GAD2: variants seen among roughly 807,000 people sequenced by gnomAD.
GAD2 encodes the protein glutamate decarboxylase 2, also known as 65 kDa glutamic acid decarboxylase.
A neutral mutation model predicts 80.1 loss-of-function variants in GAD2; 22 were observed. That is an observed-to-expected ratio of 0.27 (90% CI 0.20 to 0.39). GAD2 has a LOEUF of 0.39. Among genes scored for constraint, GAD2 ranks in the 10% least tolerant of loss-of-function variants. The probability of loss-of-function intolerance (pLI) is 1.00; values close to 1 mark genes in which losing one functional copy is unlikely to be tolerated. For missense variants in GAD2, 624 were observed against 738.4 expected (o/e 0.85, Z 1.80); for synonymous variants, 274 against 256.9 (o/e 1.07, Z -0.64).
intron 8 of GAD2, among the ~76,000 whole-genome samples, chr10:26,254,816 G>A (rs986317243): frequency 6.6e-6 from 1 of 152,226 alleles, no homozygotes; most frequent in African/African-American, 2.4e-5. Flanking sequence ...CAGATGCAGA[G>A]CAAGGGACAG....
chr10:26,286,178 A>T (rs1845329099), intron 12 of GAD2, among the ~76,000 whole-genome samples, 167 bp from the exon 13 acceptor site: 1 of 151,716 alleles, frequency 6.6e-6, no homozygotes, highest in Non-Finnish European at 1.5e-5. Flanking sequence ...CAACCTAGAC[A>T]CTCCTGTCCA....
At position 26,217,936 on chromosome 10, in the gene GAD2, G is replaced by T. The variant is rs1251690584; in HGVS notation, c.231G>T (p.Gln77His). Residue 77 changes from glutamine to histidine, a missense_variant, in exon 3 of 16, where the codon CAG (glutamine) becomes CAT (histidine). Transcript: ENST00000376261. This position sits in a 1 kb window ranked among gnomAD's most constrained non-coding sequence, Gnocchi z 4.9. ...GGAAGGCCGCCTGCGCCTGCGACCA[G>T]AAGCCCTGCAGCTGCTCCAAAGTGG... ...AARKAACACD[Q>H]KPCSCSKVDV... 1 of 1,611,924 alleles carries T rather than the reference G, an allele frequency of 6.2e-7. No individual in the cohort carries two copies. Among genetic ancestry groups the T allele is most frequent in the South Asian group, 1.1e-5 (1 of 91,032 alleles).
At chr10:26,280,166 G>A (rs1296579941) in intron 11 of GAD2, among the ~76,000 whole-genome samples, 1 of 152,162 alleles carries the variant, frequency 6.6e-6, no homozygotes, top group East Asian at 1.9e-4. Flanking sequence ...TGGAGCAGGG[G>A]CACACCACAT....
chr10:26,293,740 G>A (rs1271429596), intron 15 of GAD2, among the ~76,000 whole-genome samples: 1 of 152,178 alleles, frequency 6.6e-6, no homozygotes, highest in Admixed American at 6.5e-5. Flanking sequence ...TGTCCTTAGA[G>A]CTGTGGTGAC....
In GAD2 at chr10:26,218,005, G is replaced by T; in HGVS notation, c.286+14G>T. On this transcript the variant is annotated intron_variant, in intron 3 of 15. Transcript: ENST00000376261. The stretch of plus-strand genomic sequence containing the variant: ...TCCATGCAACAGGTAAAGACTCAGC[G>T]GGGAGCCCCGGGGCGCCCCTGCCCC... 1 of 1,584,648 alleles carries T rather than the reference G, an allele frequency of 6.3e-7. No individual in the cohort carries two copies. Among genetic ancestry groups the T allele is most frequent in the Non-Finnish European group, 8.6e-7 (1 of 1,164,944 alleles).
At chr10:26,269,248 T>G in intron 9 of GAD2, 75 bp downstream of exon 9, 1 of 1,303,386 alleles carries the variant, frequency 7.7e-7, no homozygotes, top group Admixed American at 2.2e-5. Context: ...GTGTTTTGGT[T>G]TTATTTTAAA....
chr10:26,271,770 T>C (rs1331194359), intron 10 of GAD2, among the ~76,000 whole-genome samples: 2 of 152,144 alleles, frequency 1.3e-5, no homozygotes, highest in African/African-American at 4.8e-5. Context: ...TCTTTTTTTT[T>C]TCTTTTTGAG....
chr10:26,222,573 G>A (rs952332529), intron 4 of GAD2, among the ~76,000 whole-genome samples: 1 of 152,038 alleles, frequency 6.6e-6, no homozygotes, highest in Admixed American at 6.5e-5. Flanking sequence ...TTCGTGGATG[G>A]GTAAACTGAG....
At chr10:26,269,018 C>CA in intron 8 of GAD2, 101 bp from the exon 9 acceptor site, 1 of 741,244 alleles carries the variant, frequency 1.3e-6, no homozygotes, top group Non-Finnish European at 2.2e-6. Flanking sequence ...GTATTGTTAT[C>CA]AACAGTTTGG....
chr10:26,269,869 G>A (rs763500692), intron 9 of GAD2, among the ~76,000 whole-genome samples: 1 of 152,112 alleles, frequency 6.6e-6, no homozygotes, highest in Non-Finnish European at 1.5e-5. Context: ...TAAGTGGCAG[G>A]CAGCAGGAGA....
At chr10:26,250,868 T>G (rs762643156) in intron 8 of GAD2, among the ~76,000 whole-genome samples, 2 of 146,506 alleles carry the variant, frequency 1.4e-5, no homozygotes, top group African/African-American at 2.6e-5. Flanking sequence ...ATTTGTTGGG[T>G]TTTTTTTCCT....
chr10:26,236,942 A>G (rs908754968), intron 7 of GAD2, among the ~76,000 whole-genome samples: 1 of 152,212 alleles, frequency 6.6e-6, no homozygotes, highest in African/African-American at 2.4e-5. Flanking sequence ...GCTGAGATGT[A>G]AGCAATAGGT....
At chr10:26,240,318 A>G (rs1303047878) in intron 7 of GAD2, among the ~76,000 whole-genome samples, 1 of 152,170 alleles carries the variant, frequency 6.6e-6, no homozygotes, top group East Asian at 1.9e-4. Flanking sequence ...TCTTAGCTGA[A>G]TATTCTCATC....
intron 11 of GAD2, among the ~76,000 whole-genome samples, chr10:26,279,935 T>C (rs8190741): frequency 0.015 from 2,245 of 152,250 alleles, 64 homozygotes; most frequent in African/African-American, 0.05. Context: ...TGGACATCAA[T>C]TGATTAGAAA....
At chr10:26,252,168 C>G (rs1017059047) in intron 8 of GAD2, among the ~76,000 whole-genome samples, 2 of 152,138 alleles carry the variant, frequency 1.3e-5, no homozygotes, top group East Asian at 3.8e-4. Context: ...TGTAGTTACC[C>G]GTTCCTACCA....
intron 8 of GAD2, among the ~76,000 whole-genome samples, chr10:26,251,056 C>CTTT (rs60993936): frequency 3.3e-5 from 4 of 119,856 alleles, no homozygotes; most frequent in Admixed American, 8.5e-5. Context: ...TTTTTTTTTG[C>CTTT]TTTTTTTTTT....
intron 11 of GAD2, among the ~76,000 whole-genome samples, chr10:26,276,743 C>T (rs980911019): frequency 6.6e-5 from 10 of 152,162 alleles, no homozygotes; most frequent in African/African-American, 1.9e-4. Flanking sequence ...TGCTGCTTAC[C>T]GTAATCATCC....
intron 15 of GAD2, among the ~76,000 whole-genome samples, chr10:26,295,126 T>C (rs1256008932): frequency 6.6e-6 from 1 of 152,080 alleles, no homozygotes; most frequent in Non-Finnish European, 1.5e-5. Flanking sequence ...ACTTGGAGGC[T>C]CCCCCTTTTA....
chr10:26,252,821 G>GC (rs1467228413), intron 8 of GAD2, among the ~76,000 whole-genome samples: 2 of 151,256 alleles, frequency 1.3e-5, no homozygotes, highest in African/African-American at 4.9e-5. Context: ...ACCACACCCA[G>GC]CTAATTTTGT....
Sources: gnomAD v4.1 joint callset for allele counts (sites outside exome capture counted in the v4.1 genomes callset) on GRCh38, gnomAD v4.1.1 for gene constraint, Gnocchi (gnomAD v3.1) non-coding constraint, MANE v1.5 for transcripts, NCBI Gene and HGNC (gene_info 2026-07-23, HGNC 2026-07-21) for gene names.